SYT9: variants seen among roughly 807,000 people sequenced by gnomAD.
The protein encoded by SYT9 is synaptotagmin-9.
A neutral mutation model predicts 48.4 loss-of-function variants in SYT9; 22 were observed. The ratio of observed to expected loss-of-function variants is 0.45; its 90% CI spans 0.32 to 0.65. The LOEUF is 0.65. Ranked by LOEUF, SYT9 falls within the 30% of genes least tolerant of loss-of-function variation. The pLI is 0.03. For synonymous variants in SYT9, 265 were observed against 245.0 expected (o/e 1.08, Z -0.76); for missense variants, 577 against 622.0 (o/e 0.93, Z 0.77).
intron 1 of SYT9, among the ~76,000 whole-genome samples, chr11:7,299,035 C>T (rs561255206): frequency 2.0e-5 from 3 of 152,198 alleles, no homozygotes; most frequent in African/African-American, 7.2e-5. Context: ...ACTAATTATG[C>T]TATTCCTGTT....
chr11:7,368,612 AG>A (rs1850295740), intron 3 of SYT9, among the ~76,000 whole-genome samples: 1 of 151,976 alleles, frequency 6.6e-6, no homozygotes, highest in Non-Finnish European at 1.5e-5. Context: ...GAGAACATGC[AG>A]TGTTTGGTTT....
chr11:7,396,683 C>T (rs970520257), intron 3 of SYT9, among the ~76,000 whole-genome samples: 1 of 152,112 alleles, frequency 6.6e-6, no homozygotes, highest in African/African-American at 2.4e-5. Flanking sequence ...GCCTTTCAAA[C>T]AGCAGCTTAT....
At chr11:7,330,886 AG>A (rs1246566284) in intron 3 of SYT9, among the ~76,000 whole-genome samples, 2 of 152,004 alleles carry the variant, frequency 1.3e-5, no homozygotes, top group African/African-American at 4.8e-5. Context: ...TAGTAGAGAC[AG>A]GGTTTCACCA....
intron 5 of SYT9, among the ~76,000 whole-genome samples, chr11:7,418,361 T>C (rs534459534): frequency 1.8e-4 from 27 of 152,332 alleles, no homozygotes; most frequent in African/African-American, 6.3e-4. Context: ...TTCTCATTTT[T>C]TTTCCTATTC....
At chr11:7,334,833 G>A (rs754954672) in intron 3 of SYT9, among the ~76,000 whole-genome samples, 10 of 152,096 alleles carry the variant, frequency 6.6e-5, no homozygotes, top group African/African-American at 1.7e-4. Flanking sequence ...TTATTGCTGA[G>A]TACTATTCCA....
chr11:7,453,205 A>T (rs1848090701), intron 6 of SYT9, among the ~76,000 whole-genome samples: 1 of 152,080 alleles, frequency 6.6e-6, no homozygotes, highest in Non-Finnish European at 1.5e-5. Flanking sequence ...AGCCTGGGAG[A>T]CATACTGAGA....
chr11:7,293,731 G>A (rs995990501), intron 1 of SYT9, among the ~76,000 whole-genome samples: 1 of 152,130 alleles, frequency 6.6e-6, no homozygotes, highest in Non-Finnish European at 1.5e-5. Flanking sequence ...ATAAATGATG[G>A]CAAAGCTGGT....
At chr11:7,402,635 A>G (rs752960907) in intron 3 of SYT9, among the ~76,000 whole-genome samples, 16 of 152,180 alleles carry the variant, frequency 1.1e-4, no homozygotes, top group Non-Finnish European at 2.4e-4. Flanking sequence ...TTTGAGATTA[A>G]TACAGTCACT....
intron 6 of SYT9, among the ~76,000 whole-genome samples, chr11:7,423,953 T>C (rs1847403888): frequency 6.6e-6 from 1 of 152,064 alleles, no homozygotes; most frequent in African/African-American, 2.4e-5. Context: ...GATAACAGAG[T>C]ATGTGAGTGT....
At chr11:7,405,004 T>C (rs796437624) in intron 3 of SYT9, among the ~76,000 whole-genome samples, 5 of 152,092 alleles carry the variant, frequency 3.3e-5, no homozygotes, top group African/African-American at 1.2e-4. Context: ...AAATGAAGCT[T>C]TCTTTGTATG....
In SYT9 at chr11:7,320,418, C is replaced by G. The variant is rs145844760; in HGVS notation, c.1044+6477C>G. Among the ~76,000 whole-genome samples, 105 of 152,288 alleles carry G rather than the reference C, an allele frequency of 6.9e-4. No homozygotes were observed. In the East Asian group the frequency reaches 0.019, roughly 27 times the overall value. On this transcript the variant is annotated intron_variant, in intron 3 of 6. Coordinates refer to ENST00000318881, the MANE Select transcript of SYT9 (RefSeq NM_175733.4). Reference sequence around the variant, plus strand: ...TTCTGGCATTTGTTTCCATGACACTCTGTATTTCTATCATTACTCATGCTT... The same window carrying G: ...TTCTGGCATTTGTTTCCATGACACTGTGTATTTCTATCATTACTCATGCTT...
intron 3 of SYT9, among the ~76,000 whole-genome samples, chr11:7,390,244 C>G (rs1405753074): frequency 6.6e-6 from 1 of 152,152 alleles, no homozygotes; most frequent in African/African-American, 2.4e-5. Flanking sequence ...GTTTGGTTTT[C>G]TGTCCTTGCA....
At chr11:7,451,007 A>G (rs1343856353) in intron 6 of SYT9, among the ~76,000 whole-genome samples, 1 of 152,220 alleles carries the variant, frequency 6.6e-6, no homozygotes, top group Non-Finnish European at 1.5e-5. Flanking sequence ...ATGCCTTAGA[A>G]TTTTTAAGAA....
intron 3 of SYT9, among the ~76,000 whole-genome samples, chr11:7,330,304 A>C (rs1484241728): frequency 3.3e-5 from 5 of 152,164 alleles, no homozygotes; most frequent in African/African-American, 1.2e-4. Context: ...AGACTCAAAA[A>C]TCTACGTACT....
intron 1 of SYT9, among the ~76,000 whole-genome samples, chr11:7,239,910 T>C (rs1847723633): frequency 6.6e-6 from 1 of 152,172 alleles, no homozygotes; most frequent in African/African-American, 2.4e-5. Context: ...TAGTTGCACA[T>C]AGACAGATTA....
At chr11:7,364,427 T>C (rs188608400) in intron 3 of SYT9, among the ~76,000 whole-genome samples, 141 of 152,338 alleles carry the variant, frequency 9.3e-4, no homozygotes, top group African/African-American at 3.3e-3. Flanking sequence ...GTTAGGGACA[T>C]ATTTCTAATG....
chr11:7,394,405 A>G (rs1360217988), intron 3 of SYT9, among the ~76,000 whole-genome samples: 1 of 152,156 alleles, frequency 6.6e-6, no homozygotes, highest in Non-Finnish European at 1.5e-5. Context: ...TATTGTGAAT[A>G]GTGCCGTGAT....
At chr11:7,307,570 C>A (rs1335218943) in intron 2 of SYT9, among the ~76,000 whole-genome samples, 1 of 152,124 alleles carries the variant, frequency 6.6e-6, no homozygotes, top group East Asian at 1.9e-4. Context: ...TAGGTGGTGG[C>A]AATAAAGAGA....
At chr11:7,410,774 T>G (rs1318429086) in intron 3 of SYT9, among the ~76,000 whole-genome samples, 1 of 152,232 alleles carries the variant, frequency 6.6e-6, no homozygotes, top group Non-Finnish European at 1.5e-5. Context: ...AGGCAGCATA[T>G]AGTTGGATAA....
Sources: gnomAD v4.1 joint callset for allele counts (sites outside exome capture counted in the v4.1 genomes callset) on GRCh38, gnomAD v4.1.1 for gene constraint, MANE v1.5 for transcripts, NCBI Gene and HGNC (gene_info 2026-07-23, HGNC 2026-07-21) for gene names.